Variants in LPP observed in about 807,000 individuals in gnomAD.
The protein encoded by LPP is lipoma-preferred partner.
A neutral mutation model predicts 60.4 loss-of-function variants in LPP; 38 were observed. That is an observed-to-expected ratio of 0.63 (90% CI 0.49 to 0.83). LPP has a LOEUF of 0.83. Ranked by LOEUF, LPP falls within the 40% of genes least tolerant of loss-of-function variation. The pLI, the probability that LPP is intolerant of heterozygous loss-of-function variation, is 0.00. For missense variants in LPP, 902 were observed against 783.6 expected, an observed-to-expected ratio of 1.15 and a Z score of -1.80; for synonymous variants, 328 against 290.8, an observed-to-expected ratio of 1.13 and a Z score of -1.30.
intron 3 of LPP, among the ~76,000 whole-genome samples, chr3:188,387,850 C>A (rs1218713178): frequency 1.3e-5 from 2 of 152,212 alleles, no homozygotes; most frequent in East Asian, 3.9e-4. Flanking sequence ...CAGGCATGAG[C>A]CACCCTGCCC....
At chr3:188,691,165 C>A (rs1047038857) in intron 7 of LPP, among the ~76,000 whole-genome samples, 1 of 152,158 alleles carries the variant, frequency 6.6e-6, no homozygotes, top group Non-Finnish European at 1.5e-5. Flanking sequence ...TTGGGTTAAA[C>A]TTTATTCATT....
chr3:188,469,786 ACTTAACTATATTTT>A (rs1801359984), intron 4 of LPP, among the ~76,000 whole-genome samples: 1 of 152,118 alleles, frequency 6.6e-6, no homozygotes, highest in Non-Finnish European at 1.5e-5. Context: ...TTCAATAAAC[ACTTAACTATATTTT>A]ATATTTGAGC....
intron 7 of LPP, among the ~76,000 whole-genome samples, chr3:188,701,989 G>T (rs1406073125): frequency 2.7e-5 from 3 of 110,774 alleles, no homozygotes; most frequent in African/African-American, 1.1e-4. Flanking sequence ...TCGCTCTGTC[G>T]CCCAGGCTGG....
intron 9 of LPP, among the ~76,000 whole-genome samples, chr3:188,804,243 T>TTTTATATTTATATATA (rs1322626096): frequency 2.7e-5 from 1 of 37,698 alleles, no homozygotes; most frequent in African/African-American, 1.1e-4. Context: ...TAGTGCATCT[T>TTTTATATTTATATATA]TATATATATA....
chr3:188,438,181 CCAAA>C (rs1792822068), intron 4 of LPP, among the ~76,000 whole-genome samples: 1 of 151,986 alleles, frequency 6.6e-6, no homozygotes, highest in South Asian at 2.1e-4. Context: ...TCATAACTGA[CCAAA>C]CAGACAGGTT....
At chr3:188,454,241 C>T (rs112499318) in intron 4 of LPP, among the ~76,000 whole-genome samples, 10 of 152,128 alleles carry the variant, frequency 6.6e-5, no homozygotes, top group Non-Finnish European at 1.3e-4. Context: ...TTGTAACTGC[C>T]GTGCAATGCT....
rs147085798 is a variant in LPP at position 188,241,029 on chromosome 3, T to G, written c.-67+15502T>G. Among the ~76,000 whole-genome samples, 1,190 of 152,312 alleles carry G rather than the reference T, an allele frequency of 7.8e-3. 18 individuals carry two copies. The highest frequency in any genetic ancestry group is 0.028 in the African/African-American group (1,150 of 41,566). On this transcript the variant is annotated intron_variant, in intron 2 of 11. Coordinates refer to ENST00000617246, the MANE Select transcript of LPP (RefSeq NM_001375462.1). ...TATGCATAGTCTAAAGTGATGATTT[T>G]AGAGGTAGCAAGACAGTGAGAATGT... is the stretch of plus-strand genomic sequence containing the variant.
chr3:188,416,145 A>G (rs569329435), intron 4 of LPP, among the ~76,000 whole-genome samples: 2 of 152,154 alleles, frequency 1.3e-5, no homozygotes, highest in Non-Finnish European at 2.9e-5. Flanking sequence ...ATGCATATAG[A>G]TATCTTAATG....
intron 7 of LPP, among the ~76,000 whole-genome samples, chr3:188,675,188 C>T (rs534298263): frequency 2.6e-5 from 4 of 152,300 alleles, no homozygotes; most frequent in East Asian, 1.9e-4. Flanking sequence ...GCTGTTCAGA[C>T]TTGTGGTACT....
intron 8 of LPP, among the ~76,000 whole-genome samples, chr3:188,724,648 T>C (rs1717698753): frequency 1.3e-5 from 2 of 152,218 alleles, no homozygotes; most frequent in South Asian, 4.1e-4. Context: ...GAAATATGCA[T>C]CTTTATTCCT....
intron 2 of LPP, among the ~76,000 whole-genome samples, chr3:188,339,352 G>T (rs1216308273): frequency 6.6e-6 from 1 of 152,200 alleles, no homozygotes; most frequent in Non-Finnish European, 1.5e-5. Flanking sequence ...GAACTTCTTA[G>T]CTAGAAAGAC....
intron 9 of LPP, among the ~76,000 whole-genome samples, chr3:188,839,965 T>C (rs1361079457): frequency 3.9e-5 from 6 of 152,216 alleles, no homozygotes; most frequent in African/African-American, 1.4e-4. Flanking sequence ...CCACAAATAA[T>C]AAATTATAAA....
chr3:188,284,699 G>A (rs968693488), intron 2 of LPP, among the ~76,000 whole-genome samples: 9 of 152,282 alleles, frequency 5.9e-5, no homozygotes, highest in Non-Finnish European at 1.0e-4. Context: ...ACTTACCCAA[G>A]GCCATACAGC....
At chr3:188,229,404 C>T (rs1207741901) in intron 2 of LPP, among the ~76,000 whole-genome samples, 2 of 152,172 alleles carry the variant, frequency 1.3e-5, no homozygotes, top group Non-Finnish European at 2.9e-5. Flanking sequence ...TTAATATTTC[C>T]TCTTTGGTCC....
intron 3 of LPP, among the ~76,000 whole-genome samples, chr3:188,386,340 C>T (rs1282260801): frequency 1.3e-5 from 2 of 151,820 alleles, no homozygotes; most frequent in African/African-American, 4.8e-5. Flanking sequence ...CATTTATTCT[C>T]TACTGTCTTT....
chr3:188,833,025 A>C (rs537107775), intron 9 of LPP, among the ~76,000 whole-genome samples: 1 of 152,220 alleles, frequency 6.6e-6, no homozygotes, highest in Admixed American at 6.5e-5. Context: ...AAATAACTTA[A>C]TGAGCCCTGC....
chr3:188,301,729 C>T (rs1281112290), intron 2 of LPP, among the ~76,000 whole-genome samples: 2 of 151,906 alleles, frequency 1.3e-5, no homozygotes, highest in African/African-American at 2.4e-5. Flanking sequence ...TGCAGTGGCA[C>T]GATCATAATT....
Position 188,451,200 on chromosome 3 carries a change from C to G in LPP, c.194-33392C>G, listed in dbSNP as rs758061108. Among the ~76,000 whole-genome samples the G allele has an allele frequency of 6.1e-4, 93 of 152,262 alleles. 1 individual carries two copies. The highest frequency in any genetic ancestry group is 4.4e-4 in the Non-Finnish European group (30 of 68,006). On this transcript the variant is annotated intron_variant, in intron 4 of 11. Transcript: ENST00000617246. ...TGCTAATATGATGGGTATGGAACTA[C>G]TAGTACCTCCTGGTTTCTGCTTCTT...
At chr3:188,549,240 C>CT (rs1222819036) in intron 6 of LPP, among the ~76,000 whole-genome samples, 25 of 151,292 alleles carry the variant, frequency 1.7e-4, no homozygotes, top group African/African-American at 3.1e-4. Flanking sequence ...ATCATTTTAT[C>CT]TTTTTTTTTG....
Sources: allele counts gnomAD v4.1 joint callset (sites outside exome capture counted in the v4.1 genomes callset), GRCh38; gene constraint gnomAD v4.1.1; transcripts MANE v1.5; gene names NCBI Gene and HGNC (gene_info 2026-07-23, HGNC 2026-07-21).